The following DISC1 variants were observed in gnomAD, a reference collection of about 807,000 sequenced individuals.
DISC1 encodes disrupted in schizophrenia 1 protein.
DISC1 carries 57 observed loss-of-function variants against 84.5 expected under a neutral mutation model. The ratio of observed to expected loss-of-function variants is 0.67; its 90% confidence interval spans 0.55 to 0.84. DISC1 has a LOEUF of 0.84. DISC1 is among the 40% of genes least tolerant of loss of function. The probability of loss-of-function intolerance (pLI) is 0.00; values close to 1 mark genes in which losing one functional copy is unlikely to be tolerated. For synonymous variants in DISC1, 411 were observed against 415.2 expected, an observed-to-expected ratio of 0.99 and a Z score of 0.12; for missense variants, 1,000 against 1,057.8, an observed-to-expected ratio of 0.95 and a Z score of 0.76.
At chr1:231,847,582 C>T (rs1461132802) in intron 9 of DISC1, among the ~76,000 whole-genome samples, 1 of 152,184 alleles carries the variant, frequency 6.6e-6, no homozygotes, top group African/African-American at 2.4e-5. Flanking sequence ...GGACCCTTCT[C>T]CGTCCTCGCT....
chr1:231,690,675 G>GA (rs1195191454), intron 1 of DISC1, among the ~76,000 whole-genome samples: 1 of 152,048 alleles, frequency 6.6e-6, no homozygotes, highest in East Asian at 1.9e-4. Flanking sequence ...TAAAAAAGAG[G>GA]AAAAAAATAG....
At chr1:231,792,704 G>A (rs1382674498) in intron 6 of DISC1, among the ~76,000 whole-genome samples, 1 of 152,198 alleles carries the variant, frequency 6.6e-6, no homozygotes, top group African/African-American at 2.4e-5. Context: ...ACGGGTCCAT[G>A]TTGGATGCCC....
chr1:231,838,180 C>T (rs557643011), intron 9 of DISC1, among the ~76,000 whole-genome samples: 8 of 152,272 alleles, frequency 5.3e-5, no homozygotes, highest in African/African-American at 1.9e-4. Context: ...TATTCAGATG[C>T]TTTAATTTAA....
intron 9 of DISC1, among the ~76,000 whole-genome samples, chr1:231,851,101 G>T (rs774323785): frequency 6.6e-6 from 1 of 152,134 alleles, no homozygotes; most frequent in African/African-American, 2.4e-5. Context: ...CTTACTGAGC[G>T]CTTCTCCTGC....
chr1:231,790,015 A>G (rs961324890), intron 6 of DISC1, among the ~76,000 whole-genome samples: 1 of 152,216 alleles, frequency 6.6e-6, no homozygotes, highest in Non-Finnish European at 1.5e-5. Context: ...ACATTTTCTT[A>G]GAGCCACCAT....
At chr1:231,792,683 G>A (rs2125596578) in intron 6 of DISC1, among the ~76,000 whole-genome samples, 1 of 152,274 alleles carries the variant, frequency 6.6e-6, no homozygotes, top group African/African-American at 2.4e-5. Context: ...AGAATCAGAG[G>A]AAGAACCAGT....
chr1:231,992,954 C>T (rs894312808), intron 10 of DISC1, among the ~76,000 whole-genome samples: 3 of 152,070 alleles, frequency 2.0e-5, no homozygotes, highest in East Asian at 1.9e-4. Context: ...TAATTACATA[C>T]AGTAGAAGAG....
Position 231,841,245 on chromosome 1 carries a change from A to G in DISC1, c.1981+22728A>G, listed in dbSNP as rs578003881. Among the ~76,000 whole-genome samples the G allele has an allele frequency of 2.1e-4, 32 of 152,318 alleles. No individual in the cohort carries two copies. In the South Asian group the frequency reaches 5.8e-3, roughly 28 times the overall value. On this transcript the variant is annotated intron_variant, in intron 9 of 12. Transcript: ENST00000439617. ...AAGCATTTCAGATAAGGGATACTCA[A>G]CCTGGATCTCTATTAGTGCATTATT...
intron 10 of DISC1, among the ~76,000 whole-genome samples, chr1:231,971,324 G>A (rs1022348151): frequency 2.2e-4 from 34 of 152,128 alleles, no homozygotes; most frequent in African/African-American, 8.0e-4. Flanking sequence ...AGTTTAATTT[G>A]CTAACATGGT....
intron 3 of DISC1, among the ~76,000 whole-genome samples, chr1:231,742,814 G>A (rs970463812): frequency 6.6e-6 from 1 of 152,154 alleles, no homozygotes; most frequent in Non-Finnish European, 1.5e-5. Context: ...GGAGGCTGAG[G>A]CAGGAGGATC....
rs2089664634 is a variant in DISC1 at position 231,916,682 on chromosome 1, CG to C, written c.1982-42145del. The stretch of plus-strand genomic sequence containing the variant: ...AAAAAAAAAAAAAAAAAGAAAGTTC[CG>C]AAGAGTTGCCAGGGCTCTATTTAAT... On this transcript the variant is annotated intron_variant, in intron 9 of 12. Transcript: ENST00000439617. Among the ~76,000 whole-genome samples, 8 of 151,404 alleles carry C rather than the reference CG, an allele frequency of 5.3e-5. No homozygotes were observed. The South Asian group carries it at 1.7e-3, about 32-fold the overall frequency.
intron 1 of DISC1, among the ~76,000 whole-genome samples, chr1:231,652,659 C>T (rs1010050678): frequency 6.6e-6 from 1 of 152,200 alleles, no homozygotes; most frequent in Non-Finnish European, 1.5e-5. Context: ...TTCACAGAGC[C>T]ATACAACTTT....
intron 9 of DISC1, among the ~76,000 whole-genome samples, chr1:231,913,402 T>C (rs555685086): frequency 1.3e-5 from 2 of 152,218 alleles, no homozygotes; most frequent in Admixed American, 6.5e-5. Flanking sequence ...CTAGCCTGTA[T>C]TGCAGGCTTT....
At chr1:231,983,857 G>A (rs1480790602) in intron 10 of DISC1, among the ~76,000 whole-genome samples, 1 of 152,202 alleles carries the variant, frequency 6.6e-6, no homozygotes, top group Non-Finnish European at 1.5e-5. Context: ...GGGCCTCGCA[G>A]TCGTGTTGAT....
intron 1 of DISC1, among the ~76,000 whole-genome samples, chr1:231,654,347 CA>C (rs77779049): frequency 0.014 from 2,110 of 151,770 alleles, 100 homozygotes; most frequent in Admixed American, 0.096. Context: ...TTATTTTTGA[CA>C]AATAATTTAC....
In DISC1 at chr1:231,630,565, G is replaced by A. The variant is rs1185526246; in HGVS notation, c.67+3631G>A. 1.1e-4 allele frequency among the ~76,000 whole-genome samples: 16 copies of A among 152,052 alleles called. No homozygotes were observed. The highest frequency in any genetic ancestry group is 3.9e-4 in the African/African-American group (16 of 41,392). ...AGAGATTCCCTTGGCAGCCACCCTG[G>A]GTTGAGGAGGGTCCCCTCCTGGCAC... On this transcript the variant is annotated intron_variant, in intron 1 of 12. Transcript: ENST00000439617. This position sits in a 1 kb window ranked among gnomAD's most constrained non-coding sequence, Gnocchi z 4.4.
At chr1:231,865,845 T>C (rs965393181) in intron 9 of DISC1, among the ~76,000 whole-genome samples, 4 of 152,228 alleles carry the variant, frequency 2.6e-5, no homozygotes, top group African/African-American at 9.6e-5. Flanking sequence ...TGGAGTTGGA[T>C]ATTATCTCAG....
At chr1:231,772,325 CA>C (rs930456227) in intron 6 of DISC1, among the ~76,000 whole-genome samples, 1 of 152,050 alleles carries the variant, frequency 6.6e-6, no homozygotes, top group African/African-American at 2.4e-5. Flanking sequence ...ACATGTTGGA[CA>C]AAAAAGTGAG....
chr1:231,683,506 G>A (rs778538059), intron 1 of DISC1, among the ~76,000 whole-genome samples: 1 of 144,204 alleles, frequency 6.9e-6, no homozygotes, highest in Non-Finnish European at 1.5e-5. Context: ...GCTCACTGCC[G>A]CCTTGCCTTC....
Sources: gnomAD v4.1 joint callset for allele counts (sites outside exome capture counted in the v4.1 genomes callset) on GRCh38, gnomAD v4.1.1 for gene constraint, Gnocchi (gnomAD v3.1) non-coding constraint, MANE v1.5 for transcripts, NCBI Gene and HGNC (gene_info 2026-07-23, HGNC 2026-07-21) for gene names.